The following NPAS3 variants were observed in gnomAD, a reference collection of about 807,000 sequenced individuals.
The protein encoded by NPAS3 is neuronal PAS domain protein 3.
NPAS3 carries 14 observed loss-of-function variants against 73.1 expected under a neutral mutation model. The ratio of observed to expected loss-of-function variants is 0.19; its 90% confidence interval spans 0.13 to 0.30. NPAS3 has a LOEUF of 0.30. Among genes scored for constraint, NPAS3 ranks in the 10% least tolerant of loss-of-function variants. NPAS3 has a pLI of 1.00. For missense variants in NPAS3, 1,096 were observed against 1,250.0 expected (o/e 0.88, Z 1.86); for synonymous variants, 620 against 541.5 (o/e 1.14, Z -2.01).
intron 4 of NPAS3, among the ~76,000 whole-genome samples, chr14:33,559,898 A>G (rs2055556005): frequency 6.6e-6 from 1 of 152,056 alleles, no homozygotes; most frequent in East Asian, 1.9e-4. Context: ...ACATGCCTGT[A>G]GTCCCAGCTA....
intron 3 of NPAS3, among the ~76,000 whole-genome samples, chr14:33,217,081 G>C (rs2047252192): frequency 6.6e-6 from 1 of 152,128 alleles, no homozygotes. Context: ...TAGAAGGCGA[G>C]GGGGAGGCAA....
chr14:33,411,175 G>T (rs143788603), intron 4 of NPAS3, among the ~76,000 whole-genome samples: 1 of 152,100 alleles, frequency 6.6e-6, no homozygotes, highest in Non-Finnish European at 1.5e-5. Context: ...ATGTCTGGAG[G>T]CTTTTTGTTT....
At chr14:33,280,797 C>G (rs1313807107) in intron 3 of NPAS3, among the ~76,000 whole-genome samples, 2 of 152,158 alleles carry the variant, frequency 1.3e-5, no homozygotes, top group African/African-American at 4.8e-5. Flanking sequence ...TAGTCCTCTT[C>G]TTTACGTGGG....
chr14:33,764,247 G>A (rs921721259), intron 7 of NPAS3, among the ~76,000 whole-genome samples: 3 of 152,124 alleles, frequency 2.0e-5, no homozygotes, highest in African/African-American at 7.2e-5. Flanking sequence ...AGGGGTACAC[G>A]GCTGTCTTTG....
chr14:33,142,710 T>C (rs772231537), intron 2 of NPAS3, among the ~76,000 whole-genome samples: 17 of 152,270 alleles, frequency 1.1e-4, no homozygotes, highest in Non-Finnish European at 2.1e-4. Context: ...TTATTATTTC[T>C]GAAGTATTCT....
intron 6 of NPAS3, among the ~76,000 whole-genome samples, chr14:33,694,301 G>A (rs2060314330): frequency 6.6e-6 from 1 of 152,146 alleles, no homozygotes; most frequent in Non-Finnish European, 1.5e-5. Context: ...CATTTACTCA[G>A]AAAGTGAATT....
chr14:33,243,571 A>G (rs771232941), intron 3 of NPAS3, among the ~76,000 whole-genome samples: 3 of 152,024 alleles, frequency 2.0e-5, no homozygotes, highest in Non-Finnish European at 4.4e-5. Flanking sequence ...ATTCACTCAT[A>G]TTATCAACAG....
chr14:33,608,703 T>C (rs540876433), intron 5 of NPAS3: 2 of 152,310 alleles, frequency 1.3e-5, no homozygotes, highest in East Asian at 3.9e-4. Flanking sequence ...GGTAAATTCA[T>C]GTCATGAGGG....
At chr14:33,778,335 C>T (rs1476512816) in intron 8 of NPAS3, 131 bp from the exon 9 acceptor site, 1 of 610,122 alleles carries the variant, frequency 1.6e-6, no homozygotes, top group African/African-American at 1.8e-5. Flanking sequence ...AAAGGGTTTC[C>T]CTCACAGTGC....
At chr14:33,776,439 C>G (rs1045523989) in intron 8 of NPAS3, among the ~76,000 whole-genome samples, 1 of 141,268 alleles carries the variant, frequency 7.1e-6, no homozygotes, top group Non-Finnish European at 1.5e-5. Context: ...TTGACAAGCT[C>G]CATGGACCCG....
chr14:33,779,841 T>C (rs1214886449), intron 9 of NPAS3, among the ~76,000 whole-genome samples: 1 of 152,338 alleles, frequency 6.6e-6, no homozygotes, highest in East Asian at 1.9e-4. Context: ...CGGCTGTACA[T>C]GCAAGGTGCC....
At chr14:33,764,748 T>C (rs1336439786) in intron 7 of NPAS3, among the ~76,000 whole-genome samples, 2 of 152,208 alleles carry the variant, frequency 1.3e-5, no homozygotes, top group Non-Finnish European at 2.9e-5. Flanking sequence ...GATAGAGGAA[T>C]AAAAAAGTTC....
chr14:33,300,810 C>T lies in NPAS3; in HGVS notation c.386-66376C>T, dbSNP rs962518723. 3.9e-5 allele frequency among the ~76,000 whole-genome samples: 6 copies of T among 152,220 alleles called. No individual in the cohort carries two copies. In the East Asian group the frequency reaches 5.8e-4, roughly 15 times the overall value. On this transcript the variant is annotated intron_variant, in intron 3 of 11. Coordinates refer to ENST00000356141, the Ensembl canonical transcript of NPAS3. ...TGGCTACTAGACATCTGTTAGGGAC[C>T]GTATCAGCTGTAAGCCAGCCAGGAG...
intron 3 of NPAS3, among the ~76,000 whole-genome samples, chr14:33,246,885 G>A (rs796639799): frequency 3.0e-4 from 45 of 149,504 alleles, no homozygotes; most frequent in African/African-American, 1.1e-3. Flanking sequence ...ATGGTGGTGG[G>A]TGCCTGTAAT....
At chr14:33,715,557 T>C (rs2060934576) in intron 6 of NPAS3, among the ~76,000 whole-genome samples, 1 of 152,194 alleles carries the variant, frequency 6.6e-6, no homozygotes, top group Non-Finnish European at 1.5e-5. Flanking sequence ...GGGGAGATTG[T>C]TCTAGATCAG....
chr14:33,580,786 C>G (rs1387908287), intron 5 of NPAS3, among the ~76,000 whole-genome samples: 1 of 151,882 alleles, frequency 6.6e-6, no homozygotes, highest in Non-Finnish European at 1.5e-5. Flanking sequence ...CCTCCCACAC[C>G]CACCCTCCAC....
chr14:33,438,242 T>A (rs2049077541), intron 4 of NPAS3, among the ~76,000 whole-genome samples: 1 of 152,178 alleles, frequency 6.6e-6, no homozygotes, highest in African/African-American at 2.4e-5. Context: ...AAAGATGACA[T>A]GCATTGCAGT....
At chr14:33,511,978 CT>C (rs2053076673) in intron 4 of NPAS3, among the ~76,000 whole-genome samples, 2 of 151,988 alleles carry the variant, frequency 1.3e-5, no homozygotes. Flanking sequence ...AAGCTTCCAG[CT>C]TCTGCTGCTG....
At chr14:33,638,832 T>C (rs1054079463) in intron 5 of NPAS3, among the ~76,000 whole-genome samples, 2 of 152,368 alleles carry the variant, frequency 1.3e-5, no homozygotes, top group Non-Finnish European at 2.9e-5. Flanking sequence ...CTGACAGCCA[T>C]GAACACAGAT....
Sources: allele counts gnomAD v4.1 joint callset (sites outside exome capture counted in the v4.1 genomes callset), GRCh38; gene constraint gnomAD v4.1.1; transcripts MANE v1.5; gene names NCBI Gene and HGNC (gene_info 2026-07-23, HGNC 2026-07-21).